Variants in ALG14 observed in about 807,000 individuals in gnomAD.
ALG14 encodes the protein ALG14 UDP-N-acetylglucosaminyltransferase subunit.
ALG14 carries 17 observed loss-of-function variants against 22.8 expected under a neutral mutation model. The observed-to-expected ratio is 0.75, with a 90% CI of 0.51 to 1.12. The LOEUF is 1.12. ALG14 is among the 50% of genes most tolerant of loss of function. The pLI, the probability that ALG14 is intolerant of heterozygous loss-of-function variation, is 0.00. For missense variants in ALG14, 288 were observed against 271.8 expected (o/e 1.06, Z -0.42); for synonymous variants, 89 against 103.7 (o/e 0.86, Z 0.86).
chr1:95,069,731 T>C (rs1675497643), intron 1 of ALG14, among the ~76,000 whole-genome samples: 1 of 152,222 alleles, frequency 6.6e-6, no homozygotes, highest in African/African-American at 2.4e-5. Flanking sequence ...GGCCTTCTCC[T>C]GTCCTCTGTC....
chr1:94,990,062 T>A (rs1222374762), intron 3 of ALG14, among the ~76,000 whole-genome samples: 1 of 152,098 alleles, frequency 6.6e-6, no homozygotes, highest in Non-Finnish European at 1.5e-5. Context: ...ACGGAAAGGA[T>A]AAGCAAAAGG....
intron 3 of ALG14, chr1:94,983,783 C>G (rs1274557595): frequency 6.3e-6 from 1 of 158,466 alleles, no homozygotes; most frequent in Non-Finnish European, 1.4e-5. Context: ...GCTCTGTTGT[C>G]CAGGCTGGAG....
At chr1:95,002,979 A>G (rs1462920234) in intron 3 of ALG14, among the ~76,000 whole-genome samples, 1 of 152,232 alleles carries the variant, frequency 6.6e-6, no homozygotes, top group Non-Finnish European at 1.5e-5. Context: ...TGCAGATGAA[A>G]GCACTTAAGT....
At chr1:94,994,679 G>A (rs1253243270) in intron 3 of ALG14, among the ~76,000 whole-genome samples, 1 of 152,186 alleles carries the variant, frequency 6.6e-6, no homozygotes, top group East Asian at 1.9e-4. Context: ...GATTAGGCCA[G>A]GGTTCTCCTC....
At chr1:95,067,910 G>A (rs4339907) in intron 1 of ALG14, among the ~76,000 whole-genome samples, 52,783 of 151,918 alleles carry the variant, frequency 0.35, 10,511 homozygotes, top group Middle Eastern at 0.45. Flanking sequence ...GTTCCTCCCC[G>A]CTTACTCAGT....
intron 2 of ALG14, among the ~76,000 whole-genome samples, chr1:95,036,205 T>G (rs1454698434): frequency 6.6e-6 from 1 of 152,076 alleles, no homozygotes; most frequent in Non-Finnish European, 1.5e-5. Flanking sequence ...ATAACCCCCA[T>G]GGGAAGGACC....
At chr1:95,004,625 G>A (rs1020603013) in intron 3 of ALG14, among the ~76,000 whole-genome samples, 7 of 151,480 alleles carry the variant, frequency 4.6e-5, no homozygotes, top group East Asian at 3.9e-4. Flanking sequence ...TCAGCCTCCC[G>A]AGTAGCTGGG....
At chr1:95,061,140 G>C (rs1310499490) in intron 2 of ALG14, among the ~76,000 whole-genome samples, 1 of 152,136 alleles carries the variant, frequency 6.6e-6, no homozygotes, top group East Asian at 1.9e-4. Context: ...GAGGGAGTAT[G>C]GCCCCATGAC....
At chr1:95,048,249 TCTGA>T (rs1481220180) in intron 2 of ALG14, among the ~76,000 whole-genome samples, 1 of 152,230 alleles carries the variant, frequency 6.6e-6, no homozygotes, top group Non-Finnish European at 1.5e-5. Flanking sequence ...GAAAGTTGGC[TCTGA>T]CTTTTAACCC....
At chr1:95,046,195 T>A (rs1674550461) in intron 2 of ALG14, among the ~76,000 whole-genome samples, 1 of 152,064 alleles carries the variant, frequency 6.6e-6, no homozygotes, top group African/African-American at 2.4e-5. Flanking sequence ...TACTTCAGAA[T>A]AGGAATTCAA....
chr1:95,018,434 G>T (rs1673566497), intron 3 of ALG14, among the ~76,000 whole-genome samples: 1 of 152,060 alleles, frequency 6.6e-6, no homozygotes, highest in African/African-American at 2.4e-5. Flanking sequence ...TACTCGGGAG[G>T]TTGAGGCAGG....
chr1:95,054,345 G>T (rs1674858997), intron 2 of ALG14, among the ~76,000 whole-genome samples: 1 of 152,076 alleles, frequency 6.6e-6, no homozygotes, highest in African/African-American at 2.4e-5. Context: ...AAAGTATGTA[G>T]CACTTCCCTC....
chr1:95,055,784 A>C (rs1361523353), intron 2 of ALG14, among the ~76,000 whole-genome samples: 11 of 143,672 alleles, frequency 7.7e-5, no homozygotes, highest in African/African-American at 2.8e-4. Flanking sequence ...CGAGGTCAGC[A>C]GATTGAGACC....
chr1:94,995,974 C>T (rs139838239), intron 3 of ALG14, among the ~76,000 whole-genome samples: 15 of 152,190 alleles, frequency 9.9e-5, no homozygotes, highest in Admixed American at 2.6e-4. Context: ...AGTTTAGCTG[C>T]GTTACATTAA....
chr1:95,010,279 C>T (rs1673326343), intron 3 of ALG14, among the ~76,000 whole-genome samples: 1 of 152,176 alleles, frequency 6.6e-6, no homozygotes, highest in Non-Finnish European at 1.5e-5. Context: ...TTTTCCTCTT[C>T]AACTATTGCC....
At chr1:95,060,675 G>A (rs963640158) in intron 2 of ALG14, among the ~76,000 whole-genome samples, 1 of 151,648 alleles carries the variant, frequency 6.6e-6, no homozygotes, top group African/African-American at 2.4e-5. Flanking sequence ...GAGATCACAC[G>A]ACTGCACTCC....
intron 3 of ALG14, among the ~76,000 whole-genome samples, chr1:94,997,168 G>A (rs1002204360): frequency 6.6e-6 from 1 of 152,126 alleles, no homozygotes; most frequent in Non-Finnish European, 1.5e-5. Context: ...CTGCTAAAAG[G>A]GCATGTGAGA....
intron 2 of ALG14, among the ~76,000 whole-genome samples, chr1:95,059,543 G>T (rs1675064434): frequency 6.6e-6 from 1 of 151,148 alleles, no homozygotes; most frequent in Non-Finnish European, 1.5e-5. Flanking sequence ...GAGCTAAAAA[G>T]TTATTTTGTT....
intron 1 of ALG14, among the ~76,000 whole-genome samples, chr1:95,071,634 A>G (rs1675569809): frequency 6.6e-6 from 1 of 152,012 alleles, no homozygotes; most frequent in African/African-American, 2.4e-5. Context: ...TGTTCTCTCA[A>G]CTCTGGTCAT....
Sources: allele counts gnomAD v4.1 joint callset (sites outside exome capture counted in the v4.1 genomes callset), GRCh38; gene constraint gnomAD v4.1.1; transcripts MANE v1.5; gene names NCBI Gene and HGNC (gene_info 2026-07-23, HGNC 2026-07-21).